TAS1R2: variants seen among roughly 807,000 people sequenced by gnomAD.
TAS1R2 encodes the protein taste receptor type 1 member 2.
TAS1R2 carries 47 observed loss-of-function variants against 49.3 expected under a neutral mutation model. The observed-to-expected ratio is 0.95, with a 90% confidence interval of 0.75 to 1.22. The LOEUF is 1.22. TAS1R2 is among the 50% of genes most tolerant of loss of function. The pLI is 0.00. For missense variants in TAS1R2, 1,155 were observed against 1,122.1 expected (o/e 1.03, Z -0.42); for synonymous variants, 479 against 467.9 (o/e 1.02, Z -0.31).
In TAS1R2 at chr1:18,849,398, G is replaced by C. The variant is rs771088262; in HGVS notation, c.1410C>G (p.Pro470=). The C allele has an allele frequency of 1.1e-5, 18 of 1,614,068 alleles. No homozygotes were observed. In the East Asian group the frequency reaches 1.3e-4, roughly 12 times the overall value. ...GGATGTTCTTCAGCTGTCGCTGCAG[G>C]GGGTAGTAGGAGGCGACGCTCTGGA... The change falls in exon 4 of 6, where the codon CCC becomes CCG. Residue 470 remains proline, a synonymous_variant. Coordinates refer to ENST00000375371, the Ensembl canonical transcript of TAS1R2.
chr1:18,847,232 C>A (rs1933937448), intron 4 of TAS1R2, among the ~76,000 whole-genome samples: 1 of 152,168 alleles, frequency 6.6e-6, no homozygotes. Flanking sequence ...AGAGTGCCAG[C>A]AAACCACCAG....
chr1:18,849,428 A>T, exon 4 of TAS1R2: 6 of 1,614,202 alleles, frequency 3.7e-6, no homozygotes, highest in Non-Finnish European at 5.1e-6. Context: ...TCTGGAAGGG[A>T]TTCTGGCTCC....
exon 6 of TAS1R2, chr1:18,840,524 T>G: frequency 6.2e-7 from 1 of 1,614,146 alleles, no homozygotes. Flanking sequence ...GCATTCATAT[T>G]CATCTGCAAA....
At chr1:18,848,497 T>C (rs1400349844) in intron 4 of TAS1R2, among the ~76,000 whole-genome samples, 3 of 152,038 alleles carry the variant, frequency 2.0e-5, no homozygotes, top group Admixed American at 1.3e-4. Flanking sequence ...TACCAGCTAT[T>C]GATAAAGCAG....
At chr1:18,852,717 C>T (rs1320246690) in intron 3 of TAS1R2, among the ~76,000 whole-genome samples, 3 of 152,210 alleles carry the variant, frequency 2.0e-5, no homozygotes, top group African/African-American at 2.4e-5. Flanking sequence ...AGCCCAGTCA[C>T]GTGGCCAGGC....
At chr1:18,848,144 T>C (rs1194848255) in intron 4 of TAS1R2, among the ~76,000 whole-genome samples, 1 of 152,140 alleles carries the variant, frequency 6.6e-6, no homozygotes, top group Non-Finnish European at 1.5e-5. Flanking sequence ...TTAGCCTGAA[T>C]GCTGTATATA....
chr1:18,845,843 C>A (rs146295445), intron 4 of TAS1R2, among the ~76,000 whole-genome samples: 213 of 152,210 alleles, frequency 1.4e-3, no homozygotes, highest in African/African-American at 5.0e-3. Context: ...TCTGGATCAC[C>A]CCCCAGGCAA....
intron 3 of TAS1R2, among the ~76,000 whole-genome samples, chr1:18,851,416 G>A (rs528000463): frequency 9.0e-4 from 137 of 152,112 alleles, no homozygotes; most frequent in African/African-American, 3.2e-3. Context: ...TACAACATCC[G>A]TCTCCTGGGT....
At chr1:18,859,521 C>A in exon 1 of TAS1R2, 2 of 1,614,158 alleles carry the variant, frequency 1.2e-6, no homozygotes, top group African/African-American at 1.3e-5. Context: ...GTGAACAATG[C>A]CCTTCATGTT....
Position 18,854,919 on chromosome 1 carries a change from G to A in TAS1R2, c.551C>T (p.Thr184Ile), listed in dbSNP as rs1297390271. 1.2e-6 allele frequency: 2 copies of A among 1,612,134 alleles called. No individual in the cohort carries two copies. The highest frequency in any genetic ancestry group is 1.7e-6 in the Non-Finnish European group (2 of 1,178,680). The stretch of plus-strand genomic sequence containing the variant: ...CTCGATGTGGTGGTCGGCGCTGGGT[G>A]TGGTACGCAGCAAAGCCGGGAAGCG... Residue 184 changes from threonine to isoleucine, a missense_variant, in exon 3 of 6, where the codon ACA becomes ATA. By Grantham distance (89) the Thr-to-Ile change is moderately conservative. Coordinates refer to ENST00000375371, the Ensembl canonical transcript of TAS1R2. This position sits in a 1 kb window ranked among gnomAD's most constrained non-coding sequence, Gnocchi z 4.9.
chr1:18,855,271 C>T (rs1934119346), intron 2 of TAS1R2, among the ~76,000 whole-genome samples: 1 of 152,200 alleles, frequency 6.6e-6, no homozygotes, highest in Non-Finnish European at 1.5e-5. Context: ...CCATCATCCT[C>T]ATGGTCATCA....
intron 4 of TAS1R2, 129 bp from the exon 5 acceptor site, chr1:18,841,981 G>C: frequency 2.8e-6 from 1 of 361,516 alleles, no homozygotes; most frequent in Non-Finnish European, 4.2e-6. Flanking sequence ...GGTGGAAACT[G>C]TAGAAAAAAA....
At chr1:18,849,276 G>A (rs1933976551) in intron 4 of TAS1R2, 65 bp downstream of exon 4, 2 of 1,561,078 alleles carry the variant, frequency 1.3e-6, no homozygotes, top group African/African-American at 2.7e-5. Flanking sequence ...AAGGGCCCTA[G>A]CCACTCCAGC....
chr1:18,855,834 T>C (rs1031187818), intron 2 of TAS1R2, among the ~76,000 whole-genome samples: 5 of 152,188 alleles, frequency 3.3e-5, no homozygotes, highest in African/African-American at 1.2e-4. Flanking sequence ...GGAGTCGTCC[T>C]TGACTCTTCT....
intron 4 of TAS1R2, among the ~76,000 whole-genome samples, chr1:18,845,195 G>T (rs188646784): frequency 2.0e-5 from 3 of 152,262 alleles, no homozygotes; most frequent in Admixed American, 2.0e-4. Context: ...TGGTAAAGGG[G>T]TGTGACATGG....
intron 3 of TAS1R2, among the ~76,000 whole-genome samples, chr1:18,853,738 T>C (rs922042398): frequency 1.3e-5 from 2 of 152,152 alleles, no homozygotes; most frequent in African/African-American, 4.8e-5. Flanking sequence ...AGTAAAACCT[T>C]CTATATCCCA....
rs1934084137 is a variant in TAS1R2, at chr1:18,854,260, C to T, written c.1210G>A (p.Gly404Ser). The T allele has an allele frequency of 1.9e-6, 3 of 1,614,086 alleles. No individual in the cohort carries two copies. The highest frequency in any genetic ancestry group is 1.1e-5 in the South Asian group (1 of 91,074). The change falls in exon 3 of 6, where the codon GGC (glycine) becomes AGC (serine). Residue 404 changes from glycine (G) to serine (S), a missense_variant. Gly to Ser is a moderately conservative substitution (Grantham distance 56, BLOSUM62 0). Coordinates refer to ENST00000375371, the Ensembl canonical transcript of TAS1R2. This position sits in a 1 kb window ranked among gnomAD's most constrained non-coding sequence, Gnocchi z 4.9. Reference sequence around the variant, plus strand: ...TTGGTGCAGGTGCTTTTGTCACAGCCGAGGAGGCTGTGCAGGGCATGGGCC... The same window carrying T: ...TTGGTGCAGGTGCTTTTGTCACAGCTGAGGAGGCTGTGCAGGGCATGGGCC...
intron 3 of TAS1R2, among the ~76,000 whole-genome samples, chr1:18,853,232 G>A (rs913367278): frequency 3.9e-5 from 6 of 152,154 alleles, no homozygotes; most frequent in African/African-American, 1.4e-4. Flanking sequence ...TAGATGTGAT[G>A]TATACTAGGC....
At position 18,854,562 on chromosome 1, in the gene TAS1R2, G is replaced by A; in HGVS notation, c.908C>T (p.Ser303Phe). 6.2e-7 allele frequency: 1 copy of A among 1,613,866 alleles called. No individual in the cohort carries two copies. Among genetic ancestry groups the A allele is most frequent in the Admixed American group, 1.7e-5 (1 of 60,014 alleles). Residue 303 changes from serine to phenylalanine, a missense_variant, in exon 3 of 6, where the codon TCC (serine) becomes TTC (phenylalanine). By Grantham distance (155) the Ser-to-Phe change is radical. Transcript: ENST00000375371. This position sits in a 1 kb window ranked among gnomAD's most constrained non-coding sequence, Gnocchi z 4.9. The stretch of plus-strand genomic sequence containing the variant: ...GTGCAGGACCGGGTCGATGGCCCAG[G>A]ACTCGGAGGCGATCCACACGGCGCC...
Sources: gnomAD v4.1 joint callset for allele counts (sites outside exome capture counted in the v4.1 genomes callset) on GRCh38, gnomAD v4.1.1 for gene constraint, Gnocchi (gnomAD v3.1) non-coding constraint, MANE v1.5 for transcripts, NCBI Gene and HGNC (gene_info 2026-07-23, HGNC 2026-07-21) for gene names.